Variants in UVRAG observed in about 807,000 individuals in gnomAD.
UVRAG encodes the protein UV radiation resistance associated.
Under a neutral mutation model 78.0 loss-of-function variants are expected in UVRAG, and 19 were observed. The ratio of observed to expected loss-of-function variants is 0.24; its 90% CI spans 0.17 to 0.36. The LOEUF is 0.36. Among genes scored for constraint, UVRAG ranks in the 10% least tolerant of loss-of-function variants. UVRAG has a pLI of 1.00. For missense variants in UVRAG, 740 were observed against 853.8 expected (o/e 0.87, Z 1.66); for synonymous variants, 323 against 324.6 (o/e 1.00, Z 0.05).
At chr11:76,051,558 A>C (rs1204134672) in intron 12 of UVRAG, among the ~76,000 whole-genome samples, 3 of 152,186 alleles carry the variant, frequency 2.0e-5, no homozygotes, top group Non-Finnish European at 4.4e-5. Flanking sequence ...GCAACTTACA[A>C]GTAAAAAAAA....
chr11:75,859,492 T>TGC lies in UVRAG; in HGVS notation c.236-2254_236-2253insGC, dbSNP rs575229240. Reference sequence around the variant, plus strand: ...TGTTTTAAATAATTTTAGGTTTTGTTTTAAGCAATAAAACTTAAACAATAA... The same window carrying TGC: ...TGTTTTAAATAATTTTAGGTTTTGTTGCTTAAGCAATAAAACTTAAACAATAA... On this transcript the variant is annotated intron_variant, in intron 2 of 14. Coordinates refer to ENST00000356136, the MANE Select transcript of UVRAG (RefSeq NM_003369.4). 5.0e-3 allele frequency among the ~76,000 whole-genome samples: 760 copies of TGC among 152,180 alleles called. 7 individuals carry two copies. The highest frequency in any genetic ancestry group is 0.017 in the African/African-American group (716 of 41,562).
chr11:75,818,542 G>A (rs923070670), intron 1 of UVRAG, among the ~76,000 whole-genome samples: 7 of 150,608 alleles, frequency 4.6e-5, no homozygotes, highest in South Asian at 2.1e-4. Flanking sequence ...GCAGTGGCGC[G>A]ATCTTGGCTT....
intron 2 of UVRAG, among the ~76,000 whole-genome samples, chr11:75,859,512 CAAT>C (rs1946371749): frequency 6.6e-6 from 1 of 151,296 alleles, no homozygotes; most frequent in Non-Finnish European, 1.5e-5. Flanking sequence ...AAAACTTAAA[CAAT>C]AACAATAAAA....
chr11:75,957,624 G>T lies in UVRAG; in HGVS notation c.594-3820G>T, dbSNP rs112486986. The stretch of plus-strand genomic sequence containing the variant: ...GGAGTCTCAAGCTATTTACCCATTT[G>T]GGAAAAGCTGACAACTTAACAATAT... On this transcript the variant is annotated intron_variant, in intron 6 of 14. Coordinates refer to ENST00000356136, the MANE Select transcript of UVRAG (RefSeq NM_003369.4). 5.9e-3 allele frequency among the ~76,000 whole-genome samples: 890 copies of T among 152,052 alleles called. 9 individuals are homozygous for T. The highest frequency in any genetic ancestry group is 0.02 in the African/African-American group (847 of 41,508).
At chr11:75,826,473 G>C (rs989626595) in intron 1 of UVRAG, among the ~76,000 whole-genome samples, 2 of 141,056 alleles carry the variant, frequency 1.4e-5, no homozygotes, top group East Asian at 4.1e-4. Flanking sequence ...AACTTCACTC[G>C]GTCCTTTGGC....
chr11:75,817,209 G>C (rs1273270120), intron 1 of UVRAG, among the ~76,000 whole-genome samples: 1 of 152,128 alleles, frequency 6.6e-6, no homozygotes, highest in South Asian at 2.1e-4. Context: ...AGGGAGCACC[G>C]TTAGAAACAC....
chr11:76,130,927 GTT>G (rs1172470643), intron 14 of UVRAG, among the ~76,000 whole-genome samples: 2 of 146,778 alleles, frequency 1.4e-5, no homozygotes, highest in South Asian at 4.3e-4. Context: ...GAGGTTTTGG[GTT>G]TTTTTGTTTT....
chr11:75,963,620 A>G (rs961710922), intron 7 of UVRAG, among the ~76,000 whole-genome samples: 6 of 152,262 alleles, frequency 3.9e-5, no homozygotes, highest in East Asian at 1.9e-4. Context: ...CAAAGAAGGC[A>G]TATTTGATGT....
chr11:75,906,061 G>A (rs1947607967), intron 5 of UVRAG, among the ~76,000 whole-genome samples: 1 of 152,006 alleles, frequency 6.6e-6, no homozygotes, highest in Non-Finnish European at 1.5e-5. Flanking sequence ...TCTTTTTGCT[G>A]TTGAATGTAT....
At position 75,817,495 on chromosome 11, in the gene UVRAG, T is replaced by A. The variant is rs538402351; in HGVS notation, c.117+1971T>A. Among the ~76,000 whole-genome samples the A allele has an allele frequency of 4.3e-3, 652 of 152,302 alleles. 3 individuals carry two copies. The highest frequency in any genetic ancestry group is 0.014 in the African/African-American group (598 of 41,552). On this transcript the variant is annotated intron_variant, in intron 1 of 14. Transcript: ENST00000356136. ...CTGAATGCTATATGAGTGCCGAGTA[T>A]GCTATTTACATCTTTCTGGGGGTGT...
At chr11:76,050,049 A>C (rs757683458) in intron 12 of UVRAG, among the ~76,000 whole-genome samples, 2 of 152,216 alleles carry the variant, frequency 1.3e-5, no homozygotes, top group African/African-American at 2.4e-5. Flanking sequence ...ATAATATTCC[A>C]TAAATGCAAT....
At chr11:76,000,419 A>G (rs1210136895) in intron 8 of UVRAG, among the ~76,000 whole-genome samples, 1 of 152,118 alleles carries the variant, frequency 6.6e-6, no homozygotes, top group East Asian at 1.9e-4. Context: ...CCTGGGCAAC[A>G]TGGTGAGACT....
At chr11:75,898,107 G>A (rs1018825039) in intron 5 of UVRAG, among the ~76,000 whole-genome samples, 3 of 151,936 alleles carry the variant, frequency 2.0e-5, no homozygotes, top group Non-Finnish European at 4.4e-5. Flanking sequence ...CTGACCTCGT[G>A]ATCCACCCGC....
At chr11:75,870,105 G>T (rs938751607) in intron 3 of UVRAG, among the ~76,000 whole-genome samples, 1 of 152,178 alleles carries the variant, frequency 6.6e-6, no homozygotes, top group African/African-American at 2.4e-5. Flanking sequence ...GGTCTATATA[G>T]TAAAAATAGT....
intron 12 of UVRAG, among the ~76,000 whole-genome samples, chr11:76,029,576 A>G (rs1950396008): frequency 6.6e-6 from 1 of 152,230 alleles, no homozygotes; most frequent in Non-Finnish European, 1.5e-5. Flanking sequence ...GAAGGGTTCA[A>G]GACTTCAGTG....
chr11:75,851,819 C>A, intron 1 of UVRAG, 64 bp from the exon 2 acceptor site: 1 of 1,333,326 alleles, frequency 7.5e-7, no homozygotes, highest in Non-Finnish European at 1.1e-6. Context: ...TGAACTGCAA[C>A]TTCCAGAAAA....
intron 3 of UVRAG, among the ~76,000 whole-genome samples, chr11:75,865,287 C>CAAAAAAA (rs1195072746): frequency 4.4e-5 from 2 of 45,738 alleles, no homozygotes; most frequent in African/African-American, 6.8e-5. Context: ...AACTCCATCT[C>CAAAAAAA]AAAAAAAAAA....
rs576140360 is a variant in UVRAG at position 75,909,719 on chromosome 11, C to T, written c.508-2235C>T. Among the ~76,000 whole-genome samples the T allele has an allele frequency of 3.5e-4, 54 of 152,258 alleles. 1 individual carries two copies. Among genetic ancestry groups the T allele is most frequent in the Non-Finnish European group, 3.8e-4 (26 of 68,016 alleles). On this transcript the variant is annotated intron_variant, in intron 5 of 14. Transcript: ENST00000356136. Reference sequence around the variant, plus strand: ...GTTGATTGTTTTTTAAATGGTAGATCAACTAGACATTCTTAGGCTACATCC... The same window carrying T: ...GTTGATTGTTTTTTAAATGGTAGATTAACTAGACATTCTTAGGCTACATCC...
chr11:76,116,107 C>CT (rs1184206358), intron 14 of UVRAG, 92 bp downstream of exon 14: 6 of 1,212,810 alleles, frequency 4.9e-6, no homozygotes, highest in African/African-American at 3.0e-5. Context: ...ACACCTGCCT[C>CT]TGAGTTTTCT....
Sources: allele counts gnomAD v4.1 joint callset (sites outside exome capture counted in the v4.1 genomes callset), GRCh38; gene constraint gnomAD v4.1.1; transcripts MANE v1.5; gene names NCBI Gene and HGNC (gene_info 2026-07-23, HGNC 2026-07-21).